MROH9: variants seen among roughly 807,000 people sequenced by gnomAD.
The protein encoded by MROH9 is maestro heat-like repeat-containing protein family member 9.
A neutral mutation model predicts 98.2 loss-of-function variants in MROH9; 92 were observed. The ratio of observed to expected loss-of-function variants is 0.94; its 90% CI spans 0.79 to 1.11. MROH9 has a LOEUF of 1.11. Among genes scored for constraint, MROH9 ranks in the 50% most tolerant of loss-of-function variants. The pLI is 0.00. For missense variants in MROH9, 1,057 were observed against 1,014.8 expected (o/e 1.04, Z -0.57); for synonymous variants, 397 against 368.9 (o/e 1.08, Z -0.87).
chr1:171,041,882 A>C, intron 20 of MROH9, among the ~76,000 whole-genome samples: 1 of 151,936 alleles, frequency 6.6e-6, no homozygotes, highest in East Asian at 1.9e-4. Flanking sequence ...TAGTAGGTGT[A>C]TATATTTATG....
intron 9 of MROH9, 101 bp downstream of exon 9, chr1:170,983,635 GT>G (rs931767140): frequency 1.6e-4 from 113 of 699,414 alleles, no homozygotes; most frequent in African/African-American, 3.1e-4. Flanking sequence ...GTATTTTTTC[GT>G]TTTTTTTTAA....
chr1:170,969,546 TG>T (rs1650360601), intron 7 of MROH9, among the ~76,000 whole-genome samples: 1 of 152,194 alleles, frequency 6.6e-6, no homozygotes, highest in African/African-American at 2.4e-5. Context: ...AGATAGACAA[TG>T]TCTCAAACTG....
At chr1:171,016,384 C>T (rs1322460901) in intron 17 of MROH9, 48 bp downstream of exon 17, 2 of 1,329,174 alleles carry the variant, frequency 1.5e-6, no homozygotes, top group Admixed American at 3.4e-5. Context: ...TTGTGGTTCA[C>T]CTGAAACTCA....
chr1:170,995,046 A>G (rs1250672394), intron 12 of MROH9, among the ~76,000 whole-genome samples: 2 of 152,066 alleles, frequency 1.3e-5, no homozygotes, highest in African/African-American at 4.8e-5. Flanking sequence ...GAGCACAGGT[A>G]GGACCTAGGT....
intron 7 of MROH9, among the ~76,000 whole-genome samples, chr1:170,971,119 C>G (rs1388990852): frequency 1.3e-5 from 2 of 152,112 alleles, no homozygotes; most frequent in Non-Finnish European, 2.9e-5. Flanking sequence ...TGGATATTAT[C>G]TAGCCAGAGA....
intron 20 of MROH9, among the ~76,000 whole-genome samples, chr1:171,047,349 A>AT (rs879706158): frequency 3.3e-5 from 5 of 150,836 alleles, no homozygotes; most frequent in South Asian, 2.1e-4. Context: ...GGCATGCTTC[A>AT]TTTTTTTTTA....
intron 1 of MROH9, among the ~76,000 whole-genome samples, chr1:170,942,945 G>C (rs935494659): frequency 2.0e-5 from 3 of 152,030 alleles, no homozygotes; most frequent in Non-Finnish European, 4.4e-5. Context: ...TAAAATAGTT[G>C]GGGAAAAGTA....
chr1:171,064,172 G>A lies in MROH9; in HGVS notation c.2418G>A (p.Lys806=). ...CTGAAATAACCTATGATATTTTTAA[G>A]AAAAAAGCCCATAAACTGACCTCTG... ...QLAEITYDIF[K]KKAHKLTSAP... The change falls in exon 22 of 22, where the codon AAG becomes AAA. Residue 806 remains lysine (K), a synonymous_variant. Transcript: ENST00000367759. 5 of 1,550,800 alleles carry A rather than the reference G, an allele frequency of 3.2e-6. No individual in the cohort carries two copies. Among genetic ancestry groups the A allele is most frequent in the Non-Finnish European group, 4.4e-6 (5 of 1,146,734 alleles).
At chr1:171,035,286 AATAAAT>A (rs1261411726) in intron 20 of MROH9, among the ~76,000 whole-genome samples, 2 of 151,732 alleles carry the variant, frequency 1.3e-5, no homozygotes, top group African/African-American at 4.8e-5. Flanking sequence ...AAAAAATAAT[AATAAAT>A]ATAAAGAGGA....
At chr1:170,948,159 A>C (rs1296270572) in intron 3 of MROH9, among the ~76,000 whole-genome samples, 1 of 152,010 alleles carries the variant, frequency 6.6e-6, no homozygotes, top group Non-Finnish European at 1.5e-5. Context: ...ATTTTTCAAA[A>C]TTGTTTTAAA....
Position 171,015,547 on chromosome 1 carries a change from T to C in MROH9, c.1735-616T>C, listed in dbSNP as rs190399144. On this transcript the variant is annotated intron_variant, in intron 16 of 21. Coordinates refer to ENST00000367759, the MANE Select transcript of MROH9 (RefSeq NM_001163629.2). ...GTCTTTTTCTCCTTGCCTTTCTTTC[T>C]CTCTGGTGTCTCCTTTTCGTGTTTT... Among the ~76,000 whole-genome samples, 14 of 152,324 alleles carry C rather than the reference T, an allele frequency of 9.2e-5. No individual in the cohort carries two copies. In the East Asian group the frequency reaches 2.7e-3, roughly 29 times the overall value.
At position 171,064,344 on chromosome 1, in the gene MROH9, A is replaced by G; in HGVS notation, c.*4A>G. On this transcript the variant is annotated 3_prime_UTR_variant, in exon 22 of 22. Coordinates refer to ENST00000367759, the MANE Select transcript of MROH9 (RefSeq NM_001163629.2). Reference sequence around the variant, plus strand: ...CAAGAATGATAAGGCCTTATAGAAGAGAATGATGATGACATTCATCATTCA... The same window carrying G: ...CAAGAATGATAAGGCCTTATAGAAGGGAATGATGATGACATTCATCATTCA... 2 of 1,521,268 alleles carry G rather than the reference A, an allele frequency of 1.3e-6. No homozygotes were observed. The highest frequency in any genetic ancestry group is 1.8e-6 in the Non-Finnish European group (2 of 1,137,844). 94.2% of individuals were successfully genotyped at this position (1,521,268 alleles called of 1,614,324 possible).
At chr1:171,061,813 A>C (rs966197485) in intron 20 of MROH9, among the ~76,000 whole-genome samples, 1 of 152,206 alleles carries the variant, frequency 6.6e-6, no homozygotes, top group Non-Finnish European at 1.5e-5. Context: ...TGAAAGGTGG[A>C]GGAGGAGACT....
intron 3 of MROH9, among the ~76,000 whole-genome samples, chr1:170,949,571 A>G (rs931824489): frequency 2.0e-5 from 3 of 152,086 alleles, no homozygotes; most frequent in East Asian, 1.9e-4. Flanking sequence ...GAAGTGTACA[A>G]TTGAGGGCGG....
At chr1:171,047,097 T>C (rs1653493728) in intron 20 of MROH9, among the ~76,000 whole-genome samples, 1 of 152,222 alleles carries the variant, frequency 6.6e-6, no homozygotes, top group South Asian at 2.1e-4. Flanking sequence ...GATCCTTTCT[T>C]TCTTTATCCT....
intron 15 of MROH9, among the ~76,000 whole-genome samples, chr1:171,005,774 A>G (rs1651933970): frequency 6.6e-6 from 1 of 152,154 alleles, no homozygotes; most frequent in Admixed American, 6.5e-5. Flanking sequence ...TCTTGTATGA[A>G]TGTCTGTCCA....
chr1:170,981,885 A>G (rs1012183453), intron 8 of MROH9, among the ~76,000 whole-genome samples: 6 of 152,236 alleles, frequency 3.9e-5, no homozygotes, highest in African/African-American at 1.2e-4. Context: ...AATTAAACCT[A>G]TAATGAGATA....
intron 15 of MROH9, among the ~76,000 whole-genome samples, chr1:171,012,617 C>T (rs1652193705): frequency 6.6e-6 from 1 of 151,586 alleles, no homozygotes; most frequent in South Asian, 2.1e-4. Context: ...ATTCTCCTGC[C>T]TCAGCCTCCC....
chr1:170,990,042 T>G (rs753574467), intron 11 of MROH9, 39 bp downstream of exon 11: 12 of 1,574,378 alleles, frequency 7.6e-6, no homozygotes, highest in Non-Finnish European at 2.6e-6. Context: ...CACAAGGGCT[T>G]GTTCACAGGC....
Sources: allele counts gnomAD v4.1 joint callset (sites outside exome capture counted in the v4.1 genomes callset), GRCh38; gene constraint gnomAD v4.1.1; transcripts MANE v1.5; gene names NCBI Gene and HGNC (gene_info 2026-07-23, HGNC 2026-07-21).